Variants in DLGAP2 observed in about 807,000 individuals in gnomAD.
DLGAP2 encodes the protein DLG associated protein 2, also known as disks large-associated protein 2.
Under a neutral mutation model 100.3 loss-of-function variants are expected in DLGAP2, and 26 were observed. The observed-to-expected ratio is 0.26, with a 90% confidence interval of 0.19 to 0.36. The LOEUF is 0.36. DLGAP2 is among the 10% of genes least tolerant of loss of function. The probability of loss-of-function intolerance (pLI) is 1.00; values close to 1 mark genes in which losing one functional copy is unlikely to be tolerated. For missense variants in DLGAP2, 1,858 were observed against 1,453.2 expected (o/e 1.28, Z -4.53); for synonymous variants, 886 against 630.1 (o/e 1.41, Z -6.08).
intron 2 of DLGAP2, among the ~76,000 whole-genome samples, chr8:909,666 T>C (rs1798446266): frequency 6.6e-6 from 1 of 152,202 alleles, no homozygotes; most frequent in Non-Finnish European, 1.5e-5. Flanking sequence ...GTATAGAATG[T>C]TTCACTGTCA....
At chr8:1,594,266 C>A (rs1430666764) in intron 6 of DLGAP2, among the ~76,000 whole-genome samples, 3 of 152,154 alleles carry the variant, frequency 2.0e-5, no homozygotes, top group Admixed American at 2.0e-4. Context: ...CAGAAACTGA[C>A]CCTAGTGAAA....
chr8:1,561,338 A>T (rs1177329051), intron 5 of DLGAP2, among the ~76,000 whole-genome samples: 1 of 152,132 alleles, frequency 6.6e-6, no homozygotes, highest in Admixed American at 6.5e-5. Flanking sequence ...CGCGGTCTGT[A>T]TTCCTCTTTG....
At position 1,253,093 on chromosome 8, in the gene DLGAP2, C is replaced by T. The variant is rs117594586; in HGVS notation, c.74-5758C>T. ...ATGCCGCCCACGCCCGGGCCTGTCCCCGCGTGGCTTCCTGTAGAAGGAGCA... is the reference window on the plus strand; with the variant it reads ...ATGCCGCCCACGCCCGGGCCTGTCCTCGCGTGGCTTCCTGTAGAAGGAGCA... On this transcript the variant is annotated intron_variant, in intron 2 of 14. Transcript: ENST00000637795. Among the ~76,000 whole-genome samples the T allele has an allele frequency of 8.3e-3, 1,259 of 152,324 alleles. 7 individuals carry two copies. Among genetic ancestry groups the T allele is most frequent in the Middle Eastern group, 0.017 (5 of 294 alleles).
chr8:1,190,053 A>G (rs1797599442), intron 2 of DLGAP2, among the ~76,000 whole-genome samples: 1 of 152,196 alleles, frequency 6.6e-6, no homozygotes, highest in African/African-American at 2.4e-5. Flanking sequence ...TTGGCAGGCT[A>G]ATTACGGGCT....
chr8:1,173,340 C>T (rs1416621518), intron 2 of DLGAP2, among the ~76,000 whole-genome samples: 1 of 152,138 alleles, frequency 6.6e-6, no homozygotes, highest in Non-Finnish European at 1.5e-5. Flanking sequence ...GGTCAGAGAC[C>T]CACTTGAGGA....
chr8:1,701,488 TCTC>T lies in DLGAP2; in HGVS notation c.*90_*92del. On this transcript the variant is annotated 3_prime_UTR_variant, in exon 15 of 15. Coordinates refer to ENST00000637795, the MANE Select transcript of DLGAP2 (RefSeq NM_001346810.2). ...CGCGGCGCCGCCCTGGTGGTTTCTG[TCTC>T]CTCCTCCCGCTGAACACGTCCTCGC... The T allele has an allele frequency of 2.2e-6, 3 of 1,383,688 alleles. No homozygotes were observed. The highest frequency in any genetic ancestry group is 2.9e-6 in the Non-Finnish European group (3 of 1,028,244). The allele number at this position is 1,383,688 out of a possible 1,614,324, so 85.7% of individuals were successfully genotyped here.
chr8:1,190,199 A>G (rs1407837085), intron 2 of DLGAP2, among the ~76,000 whole-genome samples: 4 of 152,130 alleles, frequency 2.6e-5, no homozygotes, highest in Non-Finnish European at 5.9e-5. Context: ...TAATGCTCAG[A>G]CCCAGACCTC....
rs936766003 is a variant in DLGAP2, at chr8:1,706,597, C to T, written c.*5191C>T. On this transcript the variant is annotated 3_prime_UTR_variant, in exon 15 of 15. Transcript: ENST00000637795. ...ATTCTCCTTAGCTTCTGGCTTTCAA[C>T]TGTTTCTAGATGCTTCCAAGAACAA... The T allele has an allele frequency of 2.0e-5, 3 of 152,196 alleles. No homozygotes were observed. In the South Asian group the frequency reaches 6.2e-4, roughly 31 times the overall value. 9.4% of individuals were successfully genotyped at this position (152,196 alleles called of 1,614,324 possible).
chr8:822,097 C>G, intron 1 of DLGAP2: 1 of 399,262 alleles, frequency 2.5e-6, no homozygotes, highest in East Asian at 3.6e-5. Context: ...CCTAGGCTTT[C>G]TCGCCATCCG....
intron 1 of DLGAP2, among the ~76,000 whole-genome samples, chr8:899,135 C>T (rs976575612): frequency 2.6e-5 from 4 of 152,206 alleles, no homozygotes; most frequent in African/African-American, 4.8e-5. Context: ...GATGTCTTCA[C>T]GCCACTGACG....
chr8:1,207,403 A>ATTAT (rs1798019416), intron 2 of DLGAP2, among the ~76,000 whole-genome samples: 1 of 152,162 alleles, frequency 6.6e-6, no homozygotes, highest in Non-Finnish European at 1.5e-5. Context: ...CGCAAATGCC[A>ATTAT]TTATTTTGTT....
At chr8:905,147 G>T (rs1031239187) in intron 1 of DLGAP2, among the ~76,000 whole-genome samples, 1 of 152,180 alleles carries the variant, frequency 6.6e-6, no homozygotes, top group African/African-American at 2.4e-5. Context: ...TTGATGATTT[G>T]TCTTGGATCC....
At chr8:1,660,557 G>C (rs908158992) in intron 8 of DLGAP2, among the ~76,000 whole-genome samples, 1 of 152,146 alleles carries the variant, frequency 6.6e-6, no homozygotes, top group Non-Finnish European at 1.5e-5. Flanking sequence ...CTGCATACCT[G>C]GAAGTTTTTA....
At chr8:1,105,897 T>C (rs1268875169) in intron 2 of DLGAP2, among the ~76,000 whole-genome samples, 1 of 145,854 alleles carries the variant, frequency 6.9e-6, no homozygotes, top group African/African-American at 2.6e-5. Context: ...GGGGGGCCAT[T>C]CTAGGAGGGT....
At chr8:1,696,223 C>T (rs945684638) in intron 13 of DLGAP2, among the ~76,000 whole-genome samples, 4 of 152,188 alleles carry the variant, frequency 2.6e-5, no homozygotes, top group African/African-American at 4.8e-5. Context: ...GGGAGCAAGC[C>T]GGGCACGGTG....
At chr8:1,223,741 G>A (rs1798362062) in intron 2 of DLGAP2, among the ~76,000 whole-genome samples, 1 of 152,136 alleles carries the variant, frequency 6.6e-6, no homozygotes, top group Non-Finnish European at 1.5e-5. Flanking sequence ...ATGACTGTTT[G>A]GTTTTCCCTA....
chr8:1,480,113 C>G (rs1799049044), intron 3 of DLGAP2, among the ~76,000 whole-genome samples: 1 of 152,228 alleles, frequency 6.6e-6, no homozygotes, highest in African/African-American at 2.4e-5. Flanking sequence ...CAGTGCAGAG[C>G]CGAACCCCGG....
intron 3 of DLGAP2, among the ~76,000 whole-genome samples, chr8:1,290,603 C>T (rs1297636110): frequency 6.6e-6 from 1 of 152,210 alleles, no homozygotes; most frequent in East Asian, 1.9e-4. Context: ...ACAGCGGAGA[C>T]ACCAGAAAGA....
At chr8:1,526,906 T>G (rs1481120606) in intron 4 of DLGAP2, among the ~76,000 whole-genome samples, 5 of 152,204 alleles carry the variant, frequency 3.3e-5, no homozygotes, top group Non-Finnish European at 7.4e-5. Flanking sequence ...TTTGCCACCT[T>G]GGAGAGGAGA....
Sources: gnomAD v4.1 joint callset for allele counts (sites outside exome capture counted in the v4.1 genomes callset) on GRCh38, gnomAD v4.1.1 for gene constraint, MANE v1.5 for transcripts, NCBI Gene and HGNC (gene_info 2026-07-23, HGNC 2026-07-21) for gene names.